Variants in TAFA5 observed in about 807,000 individuals in gnomAD.
The protein encoded by TAFA5 is chemokine-like protein TAFA-5.
TAFA5 carries 6 observed loss-of-function variants against 15.3 expected under a neutral mutation model. The observed-to-expected ratio is 0.39, with a 90% confidence interval of 0.21 to 0.77. TAFA5 has a LOEUF of 0.77. Among genes scored for constraint, TAFA5 ranks in the 30% least tolerant of loss-of-function variants. TAFA5 has a pLI of 0.41. For missense variants in TAFA5, 161 were observed against 193.1 expected (o/e 0.83, Z 0.98); for synonymous variants, 103 against 80.7 (o/e 1.28, Z -1.48).
At chr22:48,539,441 C>A in intron 1 of TAFA5, 1 of 471,222 alleles carries the variant, frequency 2.1e-6, no homozygotes, top group Non-Finnish European at 4.4e-6. Flanking sequence ...TGATTTCCCT[C>A]TTGGCATCTG....
chr22:48,673,727 A>C (rs572780021), intron 2 of TAFA5, among the ~76,000 whole-genome samples: 2 of 152,206 alleles, frequency 1.3e-5, no homozygotes, highest in South Asian at 4.2e-4. Context: ...GAGGTGAGGG[A>C]GGGTGGAAGG....
At chr22:48,634,432 CTCAT>C (rs922518127) in intron 1 of TAFA5, among the ~76,000 whole-genome samples, 6 of 151,868 alleles carry the variant, frequency 4.0e-5, no homozygotes, top group African/African-American at 1.5e-4. Flanking sequence ...CATTCACTCA[CTCAT>C]TCATTAACTC....
At chr22:48,614,793 G>A (rs994731782) in intron 1 of TAFA5, among the ~76,000 whole-genome samples, 30 of 152,192 alleles carry the variant, frequency 2.0e-4, no homozygotes, top group African/African-American at 7.0e-4. Flanking sequence ...TGCCGCACAC[G>A]TCCAGCACTT....
intron 3 of TAFA5, among the ~76,000 whole-genome samples, chr22:48,714,317 G>C (rs1929341197): frequency 6.6e-6 from 1 of 152,250 alleles, no homozygotes; most frequent in African/African-American, 2.4e-5. Flanking sequence ...GGAAGGATGG[G>C]AGCGGGTGGA....
At chr22:48,542,300 T>TGTGTGCGG in intron 1 of TAFA5, among the ~76,000 whole-genome samples, 1 of 128,670 alleles carries the variant, frequency 7.8e-6, no homozygotes, top group South Asian at 2.7e-4. Flanking sequence ...ATGTGTGATG[T>TGTGTGCGG]GTGTGTAGTG....
At chr22:48,691,292 A>C (rs1262464220) in intron 2 of TAFA5, among the ~76,000 whole-genome samples, 1 of 152,146 alleles carries the variant, frequency 6.6e-6, no homozygotes, top group Non-Finnish European at 1.5e-5. Context: ...GGTCTGATGG[A>C]AGGATGGGCG....
At chr22:48,615,250 C>A (rs541845975) in intron 1 of TAFA5, among the ~76,000 whole-genome samples, 1 of 152,294 alleles carries the variant, frequency 6.6e-6, no homozygotes. Context: ...GAATCTGCAG[C>A]CCCTGCCTTT....
At chr22:48,620,981 TCCACCCAC>T (rs1470853432) in intron 1 of TAFA5, among the ~76,000 whole-genome samples, 3 of 68,900 alleles carry the variant, frequency 4.4e-5, no homozygotes, top group Non-Finnish European at 2.9e-5. Context: ...TATTCATCCA[TCCACCCAC>T]CCACCCACAC....
At chr22:48,723,465 C>T (rs1466861025) in intron 3 of TAFA5, among the ~76,000 whole-genome samples, 2 of 152,122 alleles carry the variant, frequency 1.3e-5, no homozygotes, top group Admixed American at 6.5e-5. Flanking sequence ...TGGGTCCCTT[C>T]GCATATCACC....
chr22:48,637,217 C>T (rs1381350760), intron 1 of TAFA5, among the ~76,000 whole-genome samples: 4 of 152,180 alleles, frequency 2.6e-5, no homozygotes, highest in Admixed American at 6.5e-5. Context: ...CTGGTGCGTG[C>T]CTGTGTGTAA....
intron 3 of TAFA5, among the ~76,000 whole-genome samples, chr22:48,743,057 G>A (rs776706271): frequency 2.0e-5 from 3 of 152,170 alleles, no homozygotes; most frequent in Non-Finnish European, 2.9e-5. Flanking sequence ...GTGAGTCTCC[G>A]GGAGCCGCTG....
At chr22:48,544,416 T>A (rs1464923661) in intron 1 of TAFA5, 1 of 347,054 alleles carries the variant, frequency 2.9e-6, no homozygotes, top group African/African-American at 2.1e-5. Context: ...CAGTCTTGGG[T>A]TTGCCAGGGA....
intron 1 of TAFA5, among the ~76,000 whole-genome samples, chr22:48,568,291 T>G (rs953320523): frequency 1.3e-5 from 2 of 152,258 alleles, no homozygotes; most frequent in Non-Finnish European, 2.9e-5. Context: ...CTTCTGGTTT[T>G]CTATCTCTTC....
intron 1 of TAFA5, among the ~76,000 whole-genome samples, chr22:48,594,160 G>A (rs978993829): frequency 4.6e-5 from 7 of 152,196 alleles, no homozygotes; most frequent in African/African-American, 7.2e-5. Context: ...GCACAGGGGC[G>A]GTGAGAGGGA....
At chr22:48,583,664 A>C (rs367754267) in intron 1 of TAFA5, among the ~76,000 whole-genome samples, 9 of 5,306 alleles carry the variant, frequency 1.7e-3, no homozygotes, top group South Asian at 4.9e-3. Context: ...ACCACACACC[A>C]CACACATGCC....
intron 1 of TAFA5, among the ~76,000 whole-genome samples, chr22:48,635,864 T>C (rs1391329227): frequency 8.5e-5 from 13 of 152,226 alleles, no homozygotes; most frequent in Non-Finnish European, 1.5e-4. Flanking sequence ...GCAGCCATTG[T>C]TGCTTTTTTA....
In TAFA5 at chr22:48,502,449, G is replaced by GCCATTAACAC. The variant is rs1449051798; in HGVS notation, c.112+12745_112+12746insCCATTAACAC. 7.9e-5 allele frequency among the ~76,000 whole-genome samples: 12 copies of GCCATTAACAC among 152,116 alleles called. No individual in the cohort carries two copies. In the East Asian group the frequency reaches 1.5e-3, roughly 20 times the overall value. On this transcript the variant is annotated intron_variant, in intron 1 of 3. Coordinates refer to ENST00000402357, the MANE Select transcript of TAFA5 (RefSeq NM_001082967.3). Reference sequence around the variant, plus strand: ...GTCTTAGGCTTTTGCAGCAGTTACAGTGTTAATGGCTCCAAGACTTCTAAT... The same window carrying GCCATTAACAC: ...GTCTTAGGCTTTTGCAGCAGTTACAGCCATTAACACTGTTAATGGCTCCAAGACTTCTAAT...
At chr22:48,492,758 C>T (rs1351775998) in intron 1 of TAFA5, among the ~76,000 whole-genome samples, 1 of 152,084 alleles carries the variant, frequency 6.6e-6, no homozygotes, top group East Asian at 1.9e-4. Flanking sequence ...CCTCCGCGGC[C>T]GGTGCTGCCC....
At chr22:48,553,112 G>A (rs1319179514) in intron 1 of TAFA5, among the ~76,000 whole-genome samples, 7 of 152,112 alleles carry the variant, frequency 4.6e-5, no homozygotes, top group African/African-American at 1.7e-4. Flanking sequence ...TCCTCTGGAA[G>A]CTTCCTCTCT....
Sources: allele counts gnomAD v4.1 joint callset (sites outside exome capture counted in the v4.1 genomes callset), GRCh38; gene constraint gnomAD v4.1.1; transcripts MANE v1.5; gene names NCBI Gene and HGNC (gene_info 2026-07-23, HGNC 2026-07-21).